Variants in GPR78 observed in about 807,000 individuals in gnomAD.
GPR78 encodes G protein-coupled receptor 78.
In GPR78, 29 loss-of-function variants were observed where a neutral mutation model predicts 17.9. That is an observed-to-expected ratio of 1.62 (90% CI 1.20 to 2.21). The LOEUF (loss-of-function observed/expected upper bound fraction) is 2.21, where lower values mean the gene tolerates loss of function less well. Ranked by LOEUF, GPR78 falls within the 30% of genes most tolerant of loss-of-function variation. GPR78 has a pLI of 0.00. For missense variants in GPR78, 649 were observed against 530.5 expected (o/e 1.22, Z -2.19); for synonymous variants, 349 against 256.9 (o/e 1.36, Z -3.43).
chr4:8,582,157 G>C (rs1713319996), intron 1 of GPR78, among the ~76,000 whole-genome samples: 2 of 151,962 alleles, frequency 1.3e-5, no homozygotes, highest in Non-Finnish European at 2.9e-5. Context: ...TTTCCCCCTT[G>C]GCCCCCCACA....
At chr4:8,582,427 C>T (rs935273913) in intron 1 of GPR78, 104 bp from the exon 2 acceptor site, 13 of 721,196 alleles carry the variant, frequency 1.8e-5, no homozygotes, top group African/African-American at 1.5e-4. Flanking sequence ...GCTAAACATC[C>T]TCCTGAAACC....
At chr4:8,586,086 G>C (rs1328274129) in intron 2 of GPR78, among the ~76,000 whole-genome samples, 1 of 152,184 alleles carries the variant, frequency 6.6e-6, no homozygotes, top group African/African-American at 2.4e-5. Context: ...GTCAGCAAGT[G>C]TGCTTGTGAC....
intron 1 of GPR78, among the ~76,000 whole-genome samples, chr4:8,582,160 C>A (rs1330648246): frequency 1.3e-5 from 2 of 152,052 alleles, no homozygotes; most frequent in African/African-American, 2.4e-5. Flanking sequence ...CCCCCTTGGC[C>A]CCCCACAGAA....
chr4:8,581,428 A>G lies in GPR78; in HGVS notation c.446A>G (p.Tyr149Cys), dbSNP rs758437142. ...GAALGCSWLG[Y>C]SSAFASCSLR... Reference sequence around the variant, plus strand: ...GCACTTGGCTGCTCGTGGCTTGGCTACAGCAGCGCCTTCGCGTCCTGTTCG... The same window carrying G: ...GCACTTGGCTGCTCGTGGCTTGGCTGCAGCAGCGCCTTCGCGTCCTGTTCG... Residue 149 changes from tyrosine (Y) to cysteine (C), a missense_variant, in exon 1 of 3, where the codon TAC (tyrosine) becomes TGC (cysteine). By Grantham distance (194) the Tyr-to-Cys change is radical (BLOSUM62 -2). Coordinates refer to ENST00000382487, the MANE Select transcript of GPR78 (RefSeq NM_080819.5). The G allele has an allele frequency of 1.3e-6, 2 of 1,588,638 alleles. No individual in the cohort carries two copies. Among genetic ancestry groups the G allele is most frequent in the South Asian group, 1.1e-5 (1 of 89,550 alleles).
rs34339112 is a variant in GPR78 at position 8,589,910 on chromosome 4, C to CT, written c.*2567dup. ...CTATCCCTTGCCTTAGGCTTGTGGC[C>CT]TTTTTTTTTTTTTTTTTTTTAATTT... On this transcript the variant is annotated 3_prime_UTR_variant, in exon 3 of 3. Transcript: ENST00000382487. Among the ~76,000 whole-genome samples the CT allele has an allele frequency of 9.9e-5, 13 of 130,852 alleles. No homozygotes were observed. Among genetic ancestry groups the CT allele is most frequent in the East Asian group, 6.9e-4 (3 of 4,358 alleles). The allele number at this position is 130,852 out of a possible 152,430, so 85.8% of individuals were successfully genotyped here.
At position 8,580,630 on chromosome 4, in the gene GPR78, G is replaced by T; in HGVS notation, c.-353G>T. On this transcript the variant is annotated 5_prime_UTR_variant, in exon 1 of 3. Transcript: ENST00000382487. ...AGAAGAAGGAAAGATACAGTGTTAG[G>T]AAAGAGACCTCCCTCGCCCCTACGC... 1 of 359,784 alleles carries T rather than the reference G, an allele frequency of 2.8e-6. No homozygotes were observed. Among genetic ancestry groups the T allele is most frequent in the Non-Finnish European group, 5.0e-6 (1 of 200,342 alleles). 22.3% of individuals were successfully genotyped at this position (359,784 alleles called of 1,614,324 possible). A position where few individuals can be genotyped will look rare whatever the true frequency, so the allele number is the denominator to read the frequency against.
chr4:8,581,302 C>T lies in GPR78; in HGVS notation c.320C>T (p.Ala107Val). 1.9e-6 allele frequency: 3 copies of T among 1,578,942 alleles called. No individual in the cohort carries two copies. The highest frequency in any genetic ancestry group is 2.6e-6 in the Non-Finnish European group (3 of 1,168,974). ...GCGCTGAGCGCAGACCAGTGGCTGG[C>T]AGTGGGCTTCCCACTGCGCTACGCC... Reference protein sequence around the residue: ...VAALSADQWLAVGFPLRYAGR... With the variant: ...VAALSADQWLVVGFPLRYAGR... The change falls in exon 1 of 3, where the codon GCA becomes GTA. Residue 107 changes from alanine to valine, a missense_variant. Coordinates refer to ENST00000382487, the MANE Select transcript of GPR78 (RefSeq NM_080819.5).
chr4:8,581,406 C>G lies in GPR78; in HGVS notation c.424C>G (p.Leu142Val). ...GQSLAFSGAA[L>V]GCSWLGYSSA... ...GTCGCTGGCCTTCTCAGGCGCTGCA[C>G]TTGGCTGCTCGTGGCTTGGCTACAG... Residue 142 changes from leucine (L) to valine (V), a missense_variant, in exon 1 of 3, where the codon CTT becomes GTT. Coordinates refer to ENST00000382487, the MANE Select transcript of GPR78 (RefSeq NM_080819.5). The G allele has an allele frequency of 6.3e-7, 1 of 1,588,920 alleles. No homozygotes were observed. The highest frequency in any genetic ancestry group is 8.5e-7 in the Non-Finnish European group (1 of 1,174,078).
In GPR78 at chr4:8,582,516, C is replaced by T. The variant is rs1340196003; in HGVS notation, c.669-15C>T. On this transcript the variant is annotated splice_polypyrimidine_tract_variant and intron_variant, in intron 1 of 2. Coordinates refer to ENST00000382487, the MANE Select transcript of GPR78 (RefSeq NM_080819.5). ...ACCCTGCCATCATCCTGACCACTGT[C>T]CTCTGTCCCCACAGTGTGCGGCAGC... 4.4e-6 allele frequency: 7 copies of T among 1,575,484 alleles called. No individual in the cohort carries two copies. The highest frequency in any genetic ancestry group is 2.2e-5 in the East Asian group (1 of 44,746).
At position 8,581,457 on chromosome 4, in the gene GPR78, C is replaced by T. The variant is rs769666701; in HGVS notation, c.475C>T (p.Arg159Cys). The stretch of plus-strand genomic sequence containing the variant: ...CAGCGCCTTCGCGTCCTGTTCGCTG[C>T]GCCTGCCGCCCGAGCCTGAGCGTCC... ...YSSAFASCSL[R>C]LPPEPERPRF... Residue 159 changes from arginine (R) to cysteine (C), a missense_variant, in exon 1 of 3, where the codon CGC becomes TGC. By Grantham distance (180) the Arg-to-Cys change is radical. Coordinates refer to ENST00000382487, the MANE Select transcript of GPR78 (RefSeq NM_080819.5). The T allele has an allele frequency of 2.1e-5, 34 of 1,590,870 alleles. No individual in the cohort carries two copies. The highest frequency in any genetic ancestry group is 2.2e-5 in the East Asian group (1 of 44,514).
In GPR78 at chr4:8,581,271, G is replaced by C. The variant is rs754162901; in HGVS notation, c.289G>C (p.Val97Leu). ...CCTGGCGTCCAACGCGGCGCTGAGCGTGGCGGCGCTGAGCGCAGACCAGTG... is the reference window on the plus strand; with the variant it reads ...CCTGGCGTCCAACGCGGCGCTGAGCCTGGCGGCGCTGAGCGCAGACCAGTG... ...TFLASNAALS[V>L]AALSADQWLA... is the part of the protein sequence containing the mutation. The change falls in exon 1 of 3, where the codon GTG becomes CTG. Residue 97 changes from valine (V) to leucine (L), a missense_variant. By Grantham distance (32) the Val-to-Leu change is conservative (BLOSUM62 1). Coordinates refer to ENST00000382487, the MANE Select transcript of GPR78 (RefSeq NM_080819.5). 4 of 1,590,026 alleles carry C rather than the reference G, an allele frequency of 2.5e-6. No homozygotes were observed. In the Admixed American group the frequency reaches 6.9e-5, roughly 27 times the overall value.
chr4:8,584,302 G>A (rs927343109), intron 2 of GPR78, among the ~76,000 whole-genome samples: 1 of 152,198 alleles, frequency 6.6e-6, no homozygotes, highest in Non-Finnish European at 1.5e-5. Context: ...AGCATGCATA[G>A]CTATGAGTGT....
In GPR78 at chr4:8,588,558, C is replaced by G. The variant is rs577852109; in HGVS notation, c.*1195C>G. Among the ~76,000 whole-genome samples, 12 of 152,340 alleles carry G rather than the reference C, an allele frequency of 7.9e-5. No homozygotes were observed. Among genetic ancestry groups the G allele is most frequent in the Non-Finnish European group, 1.6e-4 (11 of 68,038 alleles). On this transcript the variant is annotated 3_prime_UTR_variant, in exon 3 of 3. Coordinates refer to ENST00000382487, the MANE Select transcript of GPR78 (RefSeq NM_080819.5). ...ATTCTCTCTTCAGCCTCTGTCATTG[C>G]TGTTTTCTTCAAGGCCCAGGGCCAT... is the stretch of plus-strand genomic sequence containing the variant.
At position 8,587,409 on chromosome 4, in the gene GPR78, G is replaced by GA. The variant is rs775112820; in HGVS notation, c.*49dup. On this transcript the variant is annotated 3_prime_UTR_variant, in exon 3 of 3. Coordinates refer to ENST00000382487, the MANE Select transcript of GPR78 (RefSeq NM_080819.5). ...CCCCCACCTTCTAAGAAGCCCTGTGGAAAGGGCACTGGCCCTGCCACAGAG... is the reference window on the plus strand; with the variant it reads ...CCCCCACCTTCTAAGAAGCCCTGTGGAAAAGGGCACTGGCCCTGCCACAGAG... The GA allele has an allele frequency of 2.5e-6, 4 of 1,572,174 alleles. No homozygotes were observed. Among genetic ancestry groups the GA allele is most frequent in the Admixed American group, 1.7e-5 (1 of 58,110 alleles).
Position 8,588,257 on chromosome 4 carries a change from G to T in GPR78, c.*894G>T, listed in dbSNP as rs1713595873. ...AGAGAGGGTGGCCTGGGATGGGGAG[G>T]GCCCTTGCTCCCCAACAGCAGTGCT... On this transcript the variant is annotated 3_prime_UTR_variant, in exon 3 of 3. Transcript: ENST00000382487. Among the ~76,000 whole-genome samples, 1 of 152,220 alleles carries T rather than the reference G, an allele frequency of 6.6e-6. No homozygotes were observed. Among genetic ancestry groups the T allele is most frequent in the African/African-American group, 2.4e-5 (1 of 41,458 alleles).
At position 8,589,994 on chromosome 4, in the gene GPR78, T is replaced by C. The variant is rs1713688914; in HGVS notation, c.*2631T>C. ...GTGGAATGATGCTGGGTCTCAAGAA[T>C]GCTGTGAATCAATAAACATTTTATT... is the stretch of plus-strand genomic sequence containing the variant. On this transcript the variant is annotated 3_prime_UTR_variant, in exon 3 of 3. Coordinates refer to ENST00000382487, the MANE Select transcript of GPR78 (RefSeq NM_080819.5). Among the ~76,000 whole-genome samples the C allele has an allele frequency of 6.6e-6, 1 of 151,366 alleles. No individual in the cohort carries two copies. The highest frequency in any genetic ancestry group is 1.5e-5 in the Non-Finnish European group (1 of 67,968).
chr4:8,583,758 AGTG>A (rs1278226564), intron 2 of GPR78, among the ~76,000 whole-genome samples: 1 of 152,196 alleles, frequency 6.6e-6, no homozygotes, highest in Non-Finnish European at 1.5e-5. Context: ...GCCCACGCTG[AGTG>A]GCACCAGCTC....
Position 8,580,733 on chromosome 4 carries a change from C to T in GPR78, c.-250C>T, listed in dbSNP as rs1713235189. ...AGCGCATTCAGCACCCTGGACAGCA[C>T]CGCGGTTGCGCTGCCTCCAGGGCGG... is the stretch of plus-strand genomic sequence containing the variant. On this transcript the variant is annotated 5_prime_UTR_variant, in exon 1 of 3. Transcript: ENST00000382487. The T allele has an allele frequency of 1.8e-6, 1 of 550,054 alleles. No individual in the cohort carries two copies. The highest frequency in any genetic ancestry group is 3.2e-6 in the Non-Finnish European group (1 of 316,052). 34.1% of individuals were successfully genotyped at this position (550,054 alleles called of 1,614,324 possible). A position where few individuals can be genotyped will look rare whatever the true frequency, so the allele number is the denominator to read the frequency against.
At chr4:8,582,304 G>A (rs1011786966) in intron 1 of GPR78, among the ~76,000 whole-genome samples, 1 of 152,132 alleles carries the variant, frequency 6.6e-6, no homozygotes, top group African/African-American at 2.4e-5. Flanking sequence ...CCAGAGGGAA[G>A]GGAGGAGGAG....
Sources: allele counts gnomAD v4.1 joint callset (sites outside exome capture counted in the v4.1 genomes callset), GRCh38; gene constraint gnomAD v4.1.1; transcripts MANE v1.5; gene names NCBI Gene and HGNC (gene_info 2026-07-23, HGNC 2026-07-21).